Variants in KCNIP4 observed in about 807,000 individuals in gnomAD.
The protein encoded by KCNIP4 is Kv channel-interacting protein 4.
KCNIP4 carries 12 observed loss-of-function variants against 34.0 expected under a neutral mutation model. The observed-to-expected ratio is 0.35, with a 90% confidence interval of 0.23 to 0.57. The LOEUF (loss-of-function observed/expected upper bound fraction) is 0.57. Ranked by LOEUF, KCNIP4 falls within the 20% of genes least tolerant of loss-of-function variation. The pLI is 0.83. For synonymous variants in KCNIP4, 124 were observed against 102.2 expected (o/e 1.21, Z -1.29); for missense variants, 238 against 311.7 (o/e 0.76, Z 1.78).
intron 1 of KCNIP4, among the ~76,000 whole-genome samples, chr4:21,452,771 GAA>G (rs1046929366): frequency 7.8e-6 from 1 of 127,728 alleles, no homozygotes; most frequent in African/African-American, 2.9e-5. Flanking sequence ...TGCTATCTCT[GAA>G]AAAAAAAAAA....
chr4:21,538,181 A>C (rs1332772310), intron 1 of KCNIP4, among the ~76,000 whole-genome samples: 1 of 152,026 alleles, frequency 6.6e-6, no homozygotes, highest in African/African-American at 2.4e-5. Context: ...AGAGATAAGA[A>C]AGGAGACTTC....
chr4:21,842,827 T>C (rs1723768531), intron 1 of KCNIP4, among the ~76,000 whole-genome samples: 1 of 152,216 alleles, frequency 6.6e-6, no homozygotes, highest in South Asian at 2.1e-4. Context: ...AATTTTCCTC[T>C]AGGCTCTGCC....
At chr4:21,342,063 CAAT>C (rs965291435) in intron 1 of KCNIP4, among the ~76,000 whole-genome samples, 4 of 152,134 alleles carry the variant, frequency 2.6e-5, no homozygotes, top group East Asian at 1.9e-4. Flanking sequence ...GCAACAACAA[CAAT>C]GACAACAGAC....
chr4:21,923,336 C>G (rs554500848), intron 1 of KCNIP4, among the ~76,000 whole-genome samples: 1 of 152,262 alleles, frequency 6.6e-6, no homozygotes, highest in South Asian at 2.1e-4. Context: ...AAGCCCAGCA[C>G]TTTGGGAGGC....
At chr4:21,053,983 G>C (rs1421789437) in intron 1 of KCNIP4, among the ~76,000 whole-genome samples, 1 of 107,554 alleles carries the variant, frequency 9.3e-6, no homozygotes, top group Non-Finnish European at 1.9e-5. Context: ...ATTCCATCAA[G>C]TTATTTTGTA....
intron 1 of KCNIP4, among the ~76,000 whole-genome samples, chr4:21,393,879 A>G (rs1407767699): frequency 6.6e-6 from 1 of 152,176 alleles, no homozygotes; most frequent in African/African-American, 2.4e-5. Flanking sequence ...AAACACTCCA[A>G]TAATTAATCT....
At chr4:21,687,683 TGATTAA>T (rs1244742089) in intron 1 of KCNIP4, among the ~76,000 whole-genome samples, 1 of 152,152 alleles carries the variant, frequency 6.6e-6, no homozygotes, top group East Asian at 1.9e-4. Context: ...CCTGCTGTGA[TGATTAA>T]GATTGCCTCT....
At chr4:20,813,461 T>A (rs908937371) in intron 3 of KCNIP4, among the ~76,000 whole-genome samples, 3 of 152,160 alleles carry the variant, frequency 2.0e-5, no homozygotes, top group African/African-American at 7.2e-5. Flanking sequence ...CTTGGACAAC[T>A]CATACAATAT....
chr4:20,931,016 C>T (rs2149601301), intron 1 of KCNIP4, among the ~76,000 whole-genome samples: 1 of 151,972 alleles, frequency 6.6e-6, no homozygotes, highest in East Asian at 1.9e-4. Context: ...TGGGGATTGA[C>T]CCAGCAATTC....
At chr4:21,028,763 C>T (rs1740757652) in intron 1 of KCNIP4, among the ~76,000 whole-genome samples, 1 of 152,084 alleles carries the variant, frequency 6.6e-6, no homozygotes, top group South Asian at 2.1e-4. Context: ...CAAGACAATG[C>T]AAAAAGTGCA....
chr4:20,799,500 G>C (rs1713938939), intron 3 of KCNIP4, among the ~76,000 whole-genome samples: 1 of 152,134 alleles, frequency 6.6e-6, no homozygotes, highest in Non-Finnish European at 1.5e-5. Flanking sequence ...CCAGGACAAA[G>C]AGCCACAGTT....
intron 1 of KCNIP4, among the ~76,000 whole-genome samples, chr4:21,738,136 T>TAAATA (rs367974600): frequency 1.0e-4 from 10 of 96,794 alleles, no homozygotes; most frequent in African/African-American, 3.5e-4. Context: ...AATAAATAAA[T>TAAATA]AATAAATAAA....
At chr4:21,434,510 C>A (rs1726775480) in intron 1 of KCNIP4, among the ~76,000 whole-genome samples, 1 of 152,114 alleles carries the variant, frequency 6.6e-6, no homozygotes, top group Non-Finnish European at 1.5e-5. Context: ...CCTCTCCCCA[C>A]CCAGGACCAC....
chr4:21,118,020 T>C (rs1749833050), intron 1 of KCNIP4, among the ~76,000 whole-genome samples: 1 of 152,190 alleles, frequency 6.6e-6, no homozygotes, highest in African/African-American at 2.4e-5. Context: ...AAGGAGTTAA[T>C]AACCTGGGGT....
intron 1 of KCNIP4, among the ~76,000 whole-genome samples, chr4:21,647,205 A>G (rs1328296606): frequency 6.6e-6 from 1 of 152,148 alleles, no homozygotes; most frequent in Non-Finnish European, 1.5e-5. Flanking sequence ...ACCATACTAT[A>G]TTTATTAACC....
chr4:20,912,449 C>T (rs575484650), intron 1 of KCNIP4, among the ~76,000 whole-genome samples: 2 of 152,184 alleles, frequency 1.3e-5, no homozygotes, highest in East Asian at 3.9e-4. Flanking sequence ...GGTGCAGTGG[C>T]TCACACCTGT....
At chr4:21,486,892 T>C (rs1376233220) in intron 1 of KCNIP4, among the ~76,000 whole-genome samples, 1 of 151,702 alleles carries the variant, frequency 6.6e-6, no homozygotes, top group African/African-American at 2.4e-5. Context: ...GCAACCTCCA[T>C]CTCCTGGGCT....
At position 21,411,586 on chromosome 4, in the gene KCNIP4, G is replaced by T. The variant is rs1049141728; in HGVS notation, c.62-528877C>A. Among the ~76,000 whole-genome samples the T allele has an allele frequency of 1.3e-5, 2 of 152,196 alleles. 1 individual carries two copies. The highest frequency in any genetic ancestry group is 4.1e-4 in the South Asian group (2 of 4,832). On this transcript the variant is annotated intron_variant, in intron 1 of 8. Coordinates refer to ENST00000382152, the MANE Select transcript of KCNIP4 (RefSeq NM_025221.6). ...TTCCAGCACTGTAACAGTCCAAGAT[G>T]AGTGGATCGCTGGAGCCCAGGAGTT...
chr4:21,104,586 C>T (rs1030850374), intron 1 of KCNIP4, among the ~76,000 whole-genome samples: 7 of 152,100 alleles, frequency 4.6e-5, no homozygotes, highest in South Asian at 4.1e-4. Flanking sequence ...TGTGCAGAAG[C>T]TCTTTAGTTT....
Sources: allele counts gnomAD v4.1 joint callset (sites outside exome capture counted in the v4.1 genomes callset), GRCh38; gene constraint gnomAD v4.1.1; transcripts MANE v1.5; gene names NCBI Gene and HGNC (gene_info 2026-07-23, HGNC 2026-07-21).